Variants in PCSK2 observed in about 807,000 individuals in gnomAD.
PCSK2 encodes proprotein convertase subtilisin/kexin type 2.
In PCSK2, 14 loss-of-function variants were observed where a neutral mutation model predicts 69.7. That is an observed-to-expected ratio of 0.20 (90% confidence interval 0.13 to 0.31). PCSK2 has a LOEUF of 0.31. Ranked by LOEUF, PCSK2 falls within the 10% of genes least tolerant of loss-of-function variation. The pLI, the probability that PCSK2 is intolerant of heterozygous loss-of-function variation, is 1.00. For synonymous variants in PCSK2, 307 were observed against 320.7 expected (o/e 0.96, Z 0.46); for missense variants, 544 against 842.5 (o/e 0.65, Z 4.39).
chr20:17,244,421 C>A (rs182542759), intron 1 of PCSK2, among the ~76,000 whole-genome samples: 1 of 152,156 alleles, frequency 6.6e-6, no homozygotes, highest in Non-Finnish European at 1.5e-5. Flanking sequence ...GTGACCACAT[C>A]CACATAATTC....
intron 5 of PCSK2, among the ~76,000 whole-genome samples, chr20:17,381,310 T>C (rs971893409): frequency 3.9e-5 from 6 of 152,238 alleles, no homozygotes; most frequent in African/African-American, 9.6e-5. Flanking sequence ...GTCTGCACTT[T>C]CCATGTGGCA....
intron 2 of PCSK2, among the ~76,000 whole-genome samples, chr20:17,326,707 C>T (rs1235620028): frequency 6.6e-6 from 1 of 152,220 alleles, no homozygotes; most frequent in Non-Finnish European, 1.5e-5. Context: ...CTTGTCTAGA[C>T]TCAACAAGTT....
chr20:17,447,419 A>G (rs2032721062), intron 8 of PCSK2, among the ~76,000 whole-genome samples: 1 of 152,224 alleles, frequency 6.6e-6, no homozygotes, highest in Non-Finnish European at 1.5e-5. Flanking sequence ...AAAAATATAT[A>G]ACTCAAAACA....
intron 9 of PCSK2, 112 bp from the exon 10 acceptor site, chr20:17,456,236 C>A (rs1341167725): frequency 1.5e-6 from 1 of 679,766 alleles, no homozygotes; most frequent in Middle Eastern, 2.5e-4. Context: ...GTGAGGCTGT[C>A]TCAATAAATA....
intron 5 of PCSK2, among the ~76,000 whole-genome samples, chr20:17,383,657 A>G (rs578084915): frequency 9.8e-5 from 15 of 152,288 alleles, no homozygotes; most frequent in African/African-American, 3.4e-4. Flanking sequence ...TAAAAAAAAG[A>G]AAAAGAAAGA....
intron 8 of PCSK2, among the ~76,000 whole-genome samples, chr20:17,449,633 C>T (rs1310804379): frequency 6.6e-6 from 1 of 151,072 alleles, no homozygotes; most frequent in Non-Finnish European, 1.5e-5. Flanking sequence ...TGGGTTCAAG[C>T]AATTCTGACT....
chr20:17,433,556 C>T (rs115842523), intron 7 of PCSK2, among the ~76,000 whole-genome samples: 2,274 of 152,260 alleles, frequency 0.015, 53 homozygotes, highest in African/African-American at 0.052. Context: ...GGACATGCAG[C>T]CCCCGGGGCA....
chr20:17,266,263 T>G (rs758187056), intron 2 of PCSK2, among the ~76,000 whole-genome samples: 13 of 152,190 alleles, frequency 8.5e-5, no homozygotes, highest in Non-Finnish European at 1.8e-4. Context: ...TTGGCCTCGG[T>G]TCCCTGGTGA....
chr20:17,406,142 G>T (rs541889496), intron 5 of PCSK2, among the ~76,000 whole-genome samples: 3 of 152,230 alleles, frequency 2.0e-5, no homozygotes, highest in Admixed American at 2.0e-4. Context: ...CATGTTAATG[G>T]CAATTATAGA....
intron 5 of PCSK2, among the ~76,000 whole-genome samples, chr20:17,370,915 G>T (rs1486809539): frequency 1.3e-5 from 2 of 152,164 alleles, no homozygotes; most frequent in Non-Finnish European, 2.9e-5. Context: ...AGCAAGTGTG[G>T]CAGGGATCAT....
intron 5 of PCSK2, among the ~76,000 whole-genome samples, chr20:17,386,924 T>C (rs2031251726): frequency 1.3e-5 from 2 of 152,214 alleles, no homozygotes. Context: ...ACCTTTGCAC[T>C]AAATACCTAG....
intron 5 of PCSK2, among the ~76,000 whole-genome samples, chr20:17,378,430 G>A (rs894094068): frequency 2.0e-5 from 3 of 152,054 alleles, no homozygotes; most frequent in Non-Finnish European, 2.9e-5. Flanking sequence ...AAAGCCCTTC[G>A]ACAGATTCTC....
intron 2 of PCSK2, among the ~76,000 whole-genome samples, chr20:17,303,163 T>A (rs945771338): frequency 6.9e-6 from 1 of 145,798 alleles, no homozygotes; most frequent in Admixed American, 7.1e-5. Context: ...AGCTCAGTGA[T>A]TTAAAAATAT....
chr20:17,273,929 C>G (rs1473515392), intron 2 of PCSK2, among the ~76,000 whole-genome samples: 1 of 152,104 alleles, frequency 6.6e-6, no homozygotes, highest in East Asian at 1.9e-4. Flanking sequence ...GCATAATAAG[C>G]TCTACCCACT....
intron 11 of PCSK2, among the ~76,000 whole-genome samples, chr20:17,469,724 G>A (rs1344688454): frequency 1.3e-5 from 2 of 152,100 alleles, no homozygotes; most frequent in Non-Finnish European, 2.9e-5. Context: ...AGCTCACAGT[G>A]CCATTACTGA....
At chr20:17,231,606 T>A (rs1469241928) in intron 1 of PCSK2, among the ~76,000 whole-genome samples, 2 of 152,226 alleles carry the variant, frequency 1.3e-5, no homozygotes, top group Admixed American at 1.3e-4. Flanking sequence ...TACAGCTTTA[T>A]AAGACCATCA....
intron 7 of PCSK2, among the ~76,000 whole-genome samples, chr20:17,435,508 G>C (rs2032467107): frequency 6.6e-6 from 1 of 152,196 alleles, no homozygotes; most frequent in South Asian, 2.1e-4. Context: ...CATTTCAGCT[G>C]CCTGGCAAGG....
At chr20:17,435,896 G>A (rs1277537383) in intron 7 of PCSK2, among the ~76,000 whole-genome samples, 4 of 152,142 alleles carry the variant, frequency 2.6e-5, no homozygotes, top group Admixed American at 6.5e-5. Flanking sequence ...ATGGCCAAAC[G>A]GGGACCGGAG....
At chr20:17,325,908 A>C (rs1389979364) in intron 2 of PCSK2, among the ~76,000 whole-genome samples, 1 of 152,240 alleles carries the variant, frequency 6.6e-6, no homozygotes, top group Non-Finnish European at 1.5e-5. Context: ...ATTCTTCTCA[A>C]GCCACCAGTG....
Sources: allele counts gnomAD v4.1 joint callset (sites outside exome capture counted in the v4.1 genomes callset), GRCh38; gene constraint gnomAD v4.1.1; transcripts MANE v1.5; gene names NCBI Gene and HGNC (gene_info 2026-07-23, HGNC 2026-07-21).